Variants in B4GALT5 observed in about 807,000 individuals in gnomAD.
B4GALT5 encodes UDP-Gal:beta-GlcNAc beta-1,4-galactosyltransferase 5.
A neutral mutation model predicts 45.0 loss-of-function variants in B4GALT5; 11 were observed. The observed-to-expected ratio is 0.24, with a 90% CI of 0.15 to 0.40. The LOEUF is 0.40. Ranked by LOEUF, B4GALT5 falls within the 10% of genes least tolerant of loss-of-function variation. B4GALT5 has a pLI of 1.00. For missense variants in B4GALT5, 337 were observed against 500.2 expected, an observed-to-expected ratio of 0.67 and a Z score of 3.11; for synonymous variants, 185 against 182.9, an observed-to-expected ratio of 1.01 and a Z score of -0.09.
chr20:49,662,028 C>T (rs936787263), intron 1 of B4GALT5, among the ~76,000 whole-genome samples: 2 of 152,108 alleles, frequency 1.3e-5, no homozygotes, highest in Admixed American at 6.5e-5. Flanking sequence ...CTTCCGGGGG[C>T]GAAGGACTGG....
intron 3 of B4GALT5, 126 bp downstream of exon 3, chr20:49,646,839 C>A: frequency 1.7e-6 from 1 of 597,482 alleles, no homozygotes. Flanking sequence ...GCACAACTTT[C>A]ACAAACCCTG....
At chr20:49,643,247 G>C (rs747429770) in intron 4 of B4GALT5, among the ~76,000 whole-genome samples, 6 of 152,154 alleles carry the variant, frequency 3.9e-5, no homozygotes, top group Non-Finnish European at 7.4e-5. Flanking sequence ...TTCTGCAAAT[G>C]GGTCATTAGA....
At chr20:49,636,550 G>A (rs780936524) in intron 8 of B4GALT5, 91 bp from the exon 9 acceptor site, 55 of 1,434,616 alleles carry the variant, frequency 3.8e-5, no homozygotes, top group Admixed American at 2.8e-4. Context: ...CCACAGCAGA[G>A]GACGCAACCC....
At chr20:49,697,514 C>T (rs1173777788) in intron 1 of B4GALT5, among the ~76,000 whole-genome samples, 1 of 152,150 alleles carries the variant, frequency 6.6e-6, no homozygotes, top group African/African-American at 2.4e-5. Context: ...CTTCTTTATC[C>T]GCCCATCTCT....
At chr20:49,643,972 G>A (rs803192) in intron 3 of B4GALT5, among the ~76,000 whole-genome samples, 72,959 of 139,854 alleles carry the variant, frequency 0.52, 19,204 homozygotes, top group South Asian at 0.69. Flanking sequence ...TCTGTTGCCC[G>A]GGCTGGAGTG....
At chr20:49,647,502 G>A (rs529701714) in intron 2 of B4GALT5, among the ~76,000 whole-genome samples, 7 of 151,950 alleles carry the variant, frequency 4.6e-5, no homozygotes, top group African/African-American at 1.7e-4. Flanking sequence ...CTTACCTACC[G>A]ACCTCCCACT....
intron 1 of B4GALT5, among the ~76,000 whole-genome samples, chr20:49,697,355 T>C (rs2146357766): frequency 6.6e-6 from 1 of 152,342 alleles, no homozygotes; most frequent in South Asian, 2.1e-4. Flanking sequence ...AGACGCTTGC[T>C]CTTGGACTTC....
intron 1 of B4GALT5, among the ~76,000 whole-genome samples, chr20:49,701,646 T>C (rs1600557086): frequency 1.3e-5 from 2 of 152,188 alleles, no homozygotes; most frequent in African/African-American, 4.8e-5. Context: ...TTCAAAGAAT[T>C]AGAAGGCAAA....
intron 1 of B4GALT5, among the ~76,000 whole-genome samples, chr20:49,669,467 C>G (rs2085706242): frequency 6.6e-6 from 1 of 152,044 alleles, no homozygotes; most frequent in Non-Finnish European, 1.5e-5. Context: ...GAGGCTGAGG[C>G]AGGTGGATCA....
intron 1 of B4GALT5, among the ~76,000 whole-genome samples, chr20:49,685,369 C>T (rs1011875957): frequency 3.9e-5 from 6 of 152,156 alleles, no homozygotes; most frequent in African/African-American, 1.4e-4. Flanking sequence ...TTCCCTCTAC[C>T]AGGGCCCTTC....
chr20:49,648,113 G>A (rs757592350), intron 2 of B4GALT5, among the ~76,000 whole-genome samples: 4 of 152,002 alleles, frequency 2.6e-5, no homozygotes, highest in Non-Finnish European at 4.4e-5. Context: ...CTTGTTTCAT[G>A]TTTGCAGTCA....
intron 4 of B4GALT5, 112 bp downstream of exon 4, chr20:49,643,414 T>G (rs1169196412): frequency 1.5e-6 from 2 of 1,372,986 alleles, no homozygotes; most frequent in Non-Finnish European, 2.0e-6. Context: ...TTGCATGGAA[T>G]GGTAGGATGA....
chr20:49,700,007 CCCACCCTTGCCCG>C (rs1433374326), intron 1 of B4GALT5, among the ~76,000 whole-genome samples: 1 of 152,126 alleles, frequency 6.6e-6, no homozygotes, highest in African/African-American at 2.4e-5. Flanking sequence ...TCCGCTGCCC[CCCACCCTTGCCCG>C]CCACATGTGA....
rs151330127 is a variant in B4GALT5 at position 49,709,124 on chromosome 20, C to T, written c.115+4452G>A. On this transcript the variant is annotated intron_variant, in intron 1 of 8. Transcript: ENST00000371711. ...CTCATATGTATATTTATAAATAGCT[C>T]GCTTCTGTTATCTTTTAAAAGACCT... is the stretch of plus-strand genomic sequence containing the variant. Among the ~76,000 whole-genome samples, 423 of 152,126 alleles carry T rather than the reference C, an allele frequency of 2.8e-3. 4 individuals carry two copies. Among genetic ancestry groups the T allele is most frequent in the African/African-American group, 9.5e-3 (396 of 41,516 alleles).
Position 49,693,151 on chromosome 20 carries a change from C to T in B4GALT5, c.115+20425G>A, listed in dbSNP as rs529305824. Among the ~76,000 whole-genome samples the T allele has an allele frequency of 3.4e-3, 514 of 152,292 alleles. 1 individual carries two copies. The highest frequency in any genetic ancestry group is 0.011 in the African/African-American group (477 of 41,552). On this transcript the variant is annotated intron_variant, in intron 1 of 8. Transcript: ENST00000371711. ...TGATGTTGCCACAATGACAAAATAG[C>T]TTAACAACGCATTTCTCAGGATGTA... is the stretch of plus-strand genomic sequence containing the variant.
chr20:49,656,062 T>C (rs2085641649), intron 2 of B4GALT5, among the ~76,000 whole-genome samples: 1 of 152,134 alleles, frequency 6.6e-6, no homozygotes, highest in Non-Finnish European at 1.5e-5. Context: ...ACAGCAGGTG[T>C]TTGGTTCACA....
intron 2 of B4GALT5, among the ~76,000 whole-genome samples, chr20:49,655,206 G>C (rs1002231027): frequency 2.0e-5 from 3 of 150,872 alleles, no homozygotes; most frequent in African/African-American, 7.3e-5. Flanking sequence ...CGAGGCAGGC[G>C]GATCACCTGA....
At position 49,634,054 on chromosome 20, in the gene B4GALT5, G is replaced by A. The variant is rs183335265; in HGVS notation, c.*2258C>T. On this transcript the variant is annotated 3_prime_UTR_variant, in exon 9 of 9. Transcript: ENST00000371711. ...GTGAAGGTATTTTAAAGCATGAAAT[G>A]CTTAAGTCTTAAAAAACATATGCTA... is the stretch of plus-strand genomic sequence containing the variant. 3 of 152,740 alleles carry A rather than the reference G, an allele frequency of 2.0e-5. No individual in the cohort carries two copies. Among genetic ancestry groups the A allele is most frequent in the African/African-American group, 7.2e-5 (3 of 41,560 alleles). 9.5% of individuals were successfully genotyped at this position (152,740 alleles called of 1,614,324 possible).
At chr20:49,672,515 C>A (rs6122806) in intron 1 of B4GALT5, among the ~76,000 whole-genome samples, 2,443 of 152,270 alleles carry the variant, frequency 0.016, 39 homozygotes, top group East Asian at 0.083. Context: ...TTCTCTGGGC[C>A]ATGCAGAATG....
Sources: gnomAD v4.1 joint callset for allele counts (sites outside exome capture counted in the v4.1 genomes callset) on GRCh38, gnomAD v4.1.1 for gene constraint, MANE v1.5 for transcripts, NCBI Gene and HGNC (gene_info 2026-07-23, HGNC 2026-07-21) for gene names.